The following OTUD7A variants were observed in gnomAD, a reference collection of about 807,000 sequenced individuals.
The protein encoded by OTUD7A is OTU domain-containing protein 7A.
Under a neutral mutation model 65.7 loss-of-function variants are expected in OTUD7A, and 12 were observed. That is an observed-to-expected ratio of 0.18 (90% CI 0.12 to 0.30). OTUD7A has a LOEUF of 0.30. OTUD7A is among the 10% of genes least tolerant of loss of function. OTUD7A has a pLI of 1.00. For missense variants in OTUD7A, 1,148 were observed against 1,304.8 expected (o/e 0.88, Z 1.85); for synonymous variants, 641 against 586.3 (o/e 1.09, Z -1.35).
chr15:31,614,364 A>G (rs1290402077), intron 3 of OTUD7A, among the ~76,000 whole-genome samples: 1 of 152,194 alleles, frequency 6.6e-6, no homozygotes, highest in Non-Finnish European at 1.5e-5. Flanking sequence ...CAAGCCACAG[A>G]TCCAGAAGTG....
intron 3 of OTUD7A, among the ~76,000 whole-genome samples, chr15:31,623,491 C>G (rs909907192): frequency 7.9e-5 from 12 of 152,356 alleles, no homozygotes; most frequent in African/African-American, 2.6e-4. Flanking sequence ...AGCCTCACTG[C>G]CGCCTTGCAG....
At chr15:31,762,872 T>C (rs953317431) in intron 1 of OTUD7A, among the ~76,000 whole-genome samples, 2 of 152,128 alleles carry the variant, frequency 1.3e-5, no homozygotes, top group Non-Finnish European at 2.9e-5. Flanking sequence ...GGAAAATCTT[T>C]ACTACAAGAA....
intron 1 of OTUD7A, among the ~76,000 whole-genome samples, chr15:31,709,000 G>C (rs1292778187): frequency 1.3e-5 from 2 of 151,434 alleles, no homozygotes; most frequent in Non-Finnish European, 2.9e-5. Flanking sequence ...GCTCCTCTTT[G>C]GGATTGTGGG....
chr15:31,689,470 C>T (rs1192835950), intron 1 of OTUD7A: 1 of 142,954 alleles, frequency 7.0e-6, no homozygotes, highest in Admixed American at 7.1e-5. Flanking sequence ...GAGACCACAG[C>T]GCCTGAGAAC....
At chr15:31,832,321 C>T (rs962708716) in intron 1 of OTUD7A, among the ~76,000 whole-genome samples, 2 of 152,164 alleles carry the variant, frequency 1.3e-5, no homozygotes, top group African/African-American at 4.8e-5. Flanking sequence ...TGTCATGTGA[C>T]AGGGAGAGCA....
At chr15:31,685,864 T>C (rs1476712682) in intron 1 of OTUD7A, among the ~76,000 whole-genome samples, 1 of 152,240 alleles carries the variant, frequency 6.6e-6, no homozygotes, top group Non-Finnish European at 1.5e-5. Flanking sequence ...ACTGGGTTCC[T>C]GGCCTTCTCT....
chr15:31,562,060 T>C (rs985774357), intron 4 of OTUD7A, among the ~76,000 whole-genome samples: 2 of 152,252 alleles, frequency 1.3e-5, no homozygotes, highest in Admixed American at 1.3e-4. Flanking sequence ...CTTGCCATGT[T>C]GCCCTGTCTG....
chr15:31,637,258 T>G (rs1421141160), intron 3 of OTUD7A, among the ~76,000 whole-genome samples: 9 of 152,242 alleles, frequency 5.9e-5, no homozygotes, highest in Non-Finnish European at 1.2e-4. Flanking sequence ...CTGAAAGTTC[T>G]AGTGCCCTTA....
chr15:31,804,945 T>C (rs1318623635), intron 1 of OTUD7A, among the ~76,000 whole-genome samples: 1 of 152,170 alleles, frequency 6.6e-6, no homozygotes, highest in African/African-American at 2.4e-5. Flanking sequence ...GTACAGCACA[T>C]AATAACATCA....
chr15:31,657,928 G>A (rs188336756), intron 1 of OTUD7A, among the ~76,000 whole-genome samples: 72 of 152,284 alleles, frequency 4.7e-4, no homozygotes, highest in African/African-American at 1.7e-3. Context: ...GTTCTCCTCA[G>A]TGCATCCTAG....
At chr15:31,744,807 A>G (rs1894434159) in intron 1 of OTUD7A, among the ~76,000 whole-genome samples, 1 of 152,134 alleles carries the variant, frequency 6.6e-6, no homozygotes, top group Non-Finnish European at 1.5e-5. Flanking sequence ...TAATTAATAA[A>G]TGCATTTAGT....
chr15:31,831,689 G>A (rs773236849), intron 1 of OTUD7A, among the ~76,000 whole-genome samples: 8 of 152,222 alleles, frequency 5.3e-5, no homozygotes, highest in Non-Finnish European at 1.0e-4. Flanking sequence ...GTACAAGAAC[G>A]TTCACAGTAG....
intron 1 of OTUD7A, among the ~76,000 whole-genome samples, chr15:31,771,480 C>T (rs1283798110): frequency 6.6e-6 from 1 of 152,174 alleles, no homozygotes; most frequent in African/African-American, 2.4e-5. Flanking sequence ...TGATTCCTTT[C>T]TCTTCCTTGC....
At chr15:31,683,206 A>G (rs1426395926) in intron 1 of OTUD7A, among the ~76,000 whole-genome samples, 1 of 152,204 alleles carries the variant, frequency 6.6e-6, no homozygotes, top group Non-Finnish European at 1.5e-5. Flanking sequence ...TTTAGTGTCT[A>G]TCTTTTCAAA....
At chr15:31,492,558 G>A (rs904676207) in intron 10 of OTUD7A, among the ~76,000 whole-genome samples, 19 of 144,738 alleles carry the variant, frequency 1.3e-4, no homozygotes, top group African/African-American at 2.9e-4. Context: ...ACTCCAGCCT[G>A]AGTGACAGAG....
intron 1 of OTUD7A, among the ~76,000 whole-genome samples, chr15:31,722,879 G>C (rs1893778741): frequency 6.6e-6 from 1 of 152,238 alleles, no homozygotes; most frequent in African/African-American, 2.4e-5. Context: ...AAAAAGGAAA[G>C]TTCTGAGTCC....
chr15:31,592,915 A>G (rs1365776131), intron 3 of OTUD7A, among the ~76,000 whole-genome samples: 1 of 60,654 alleles, frequency 1.6e-5, no homozygotes, highest in Non-Finnish European at 2.7e-5. Context: ...ATATATATAT[A>G]TATATATATA....
chr15:31,518,961 G>C (rs1236448873), intron 8 of OTUD7A, among the ~76,000 whole-genome samples: 2 of 152,258 alleles, frequency 1.3e-5, no homozygotes, highest in Non-Finnish European at 2.9e-5. Flanking sequence ...GGGCCTCCCA[G>C]TGCTTCGAAG....
intron 1 of OTUD7A, among the ~76,000 whole-genome samples, chr15:31,782,650 A>G (rs961686633): frequency 3.9e-5 from 6 of 152,232 alleles, no homozygotes; most frequent in African/African-American, 1.2e-4. Context: ...GAGAGGAAGC[A>G]GCAGATCAGT....
Sources: allele counts gnomAD v4.1 joint callset (sites outside exome capture counted in the v4.1 genomes callset), GRCh38; gene constraint gnomAD v4.1.1; transcripts MANE v1.5; gene names NCBI Gene and HGNC (gene_info 2026-07-23, HGNC 2026-07-21).